FNDC1: variants seen among roughly 807,000 people sequenced by gnomAD.
The protein encoded by FNDC1 is fibronectin type III domain-containing protein 1.
Under a neutral mutation model 168.0 loss-of-function variants are expected in FNDC1, and 96 were observed. The observed-to-expected ratio is 0.57, with a 90% CI of 0.48 to 0.68. The LOEUF is 0.68. Among genes scored for constraint, FNDC1 ranks in the 30% least tolerant of loss-of-function variants. FNDC1 has a pLI of 0.00. For synonymous variants in FNDC1, 1,099 were observed against 1,025.9 expected (o/e 1.07, Z -1.36); for missense variants, 2,587 against 2,482.1 (o/e 1.04, Z -0.90).
At chr6:159,227,257 G>A (rs1782972930) in intron 9 of FNDC1, among the ~76,000 whole-genome samples, 1 of 152,216 alleles carries the variant, frequency 6.6e-6, no homozygotes, top group Non-Finnish European at 1.5e-5. Flanking sequence ...ACATTTTAAA[G>A]AGCCATGCTG....
At chr6:159,172,216 C>A (rs1781677072) in intron 1 of FNDC1, among the ~76,000 whole-genome samples, 1 of 152,178 alleles carries the variant, frequency 6.6e-6, no homozygotes, top group Admixed American at 6.5e-5. Context: ...TCAGTGGCAA[C>A]CCCAGGGGGA....
chr6:159,247,752 A>G (rs1485487745), intron 15 of FNDC1, among the ~76,000 whole-genome samples: 1 of 151,930 alleles, frequency 6.6e-6, no homozygotes, highest in Non-Finnish European at 1.5e-5. Context: ...CAAAAAAAAC[A>G]CTTTTTTTTT....
chr6:159,182,742 G>A (rs1006704954), intron 1 of FNDC1, among the ~76,000 whole-genome samples: 40 of 152,310 alleles, frequency 2.6e-4, no homozygotes, highest in African/African-American at 9.1e-4. Flanking sequence ...CATATTCAAA[G>A]ATGTTTACCT....
At chr6:159,215,389 C>T (rs534020114) in intron 5 of FNDC1, among the ~76,000 whole-genome samples, 3 of 152,304 alleles carry the variant, frequency 2.0e-5, no homozygotes, top group South Asian at 2.1e-4. Flanking sequence ...CTTCCTGATC[C>T]GACAGCACAG....
chr6:159,262,595 A>G (rs1777507886), intron 19 of FNDC1, among the ~76,000 whole-genome samples: 1 of 152,230 alleles, frequency 6.6e-6, no homozygotes, highest in South Asian at 2.1e-4. Flanking sequence ...TGAAAAAAAT[A>G]TTTAAAAAAA....
intron 14 of FNDC1, among the ~76,000 whole-genome samples, chr6:159,243,849 C>A (rs941613652): frequency 6.6e-6 from 1 of 152,012 alleles, no homozygotes; most frequent in African/African-American, 2.4e-5. Context: ...AAAAAGAACA[C>A]CAAAATCACC....
intron 14 of FNDC1, among the ~76,000 whole-genome samples, chr6:159,245,033 C>A (rs1361600125): frequency 6.6e-6 from 1 of 152,116 alleles, no homozygotes; most frequent in Non-Finnish European, 1.5e-5. Flanking sequence ...TGGTGGCAGG[C>A]AAGAGAGAGA....
chr6:159,238,375 G>A (rs1481694876), intron 12 of FNDC1, among the ~76,000 whole-genome samples, 179 bp from the exon 13 acceptor site: 2 of 152,264 alleles, frequency 1.3e-5, no homozygotes, highest in Admixed American at 1.3e-4. Flanking sequence ...GTGAGCCACC[G>A]CGCCCGGCCT....
chr6:159,226,331 T>G, intron 8 of FNDC1, 142 bp from the exon 9 acceptor site: 1 of 619,046 alleles, frequency 1.6e-6, no homozygotes, highest in South Asian at 2.1e-5. Flanking sequence ...AGAACCAGTG[T>G]GGAATTTTCT....
chr6:159,233,618 A>C lies in FNDC1; in HGVS notation c.3106A>C (p.Thr1036Pro), dbSNP rs1328370546. ...RSPSQPRLSL[T>P]QAGRPRPTSQ... ...ACCTTCCCAGCCCAGGCTCTCACTG[A>C]CCCAGGCCGGGCGGCCCCGCCCCAC... The change falls in exon 11 of 23, where the codon ACC (threonine) becomes CCC (proline). Residue 1036 changes from threonine (T) to proline (P), a missense_variant. Coordinates refer to ENST00000297267, the MANE Select transcript of FNDC1 (RefSeq NM_032532.3). The surrounding 1 kb of genome is among the most constrained non-coding windows in gnomAD (Gnocchi z 4.6). 1 of 1,569,252 alleles carries C rather than the reference A, an allele frequency of 6.4e-7. No homozygotes were observed. The highest frequency in any genetic ancestry group is 1.8e-5 in the Admixed American group (1 of 54,566).
intron 1 of FNDC1, among the ~76,000 whole-genome samples, chr6:159,183,812 G>A (rs1014875930): frequency 7.2e-5 from 11 of 152,194 alleles, no homozygotes; most frequent in Non-Finnish European, 1.5e-4. Flanking sequence ...AGTAAGCTGA[G>A]GAGCAAGAGA....
At chr6:159,224,024 C>A (rs903370968) in intron 7 of FNDC1, among the ~76,000 whole-genome samples, 1 of 152,212 alleles carries the variant, frequency 6.6e-6, no homozygotes, top group African/African-American at 2.4e-5. Flanking sequence ...TCTCACCATT[C>A]CTCCTGTGAT....
intron 1 of FNDC1, among the ~76,000 whole-genome samples, chr6:159,173,067 G>A (rs73799312): frequency 0.044 from 6,661 of 152,104 alleles, 379 homozygotes; most frequent in African/African-American, 0.13. Flanking sequence ...ACATATTTTC[G>A]TTTTAATTCC....
At position 159,247,815 on chromosome 6, in the gene FNDC1, A is replaced by G. The variant is rs183786673; in HGVS notation, c.4690+846A>G. On this transcript the variant is annotated intron_variant, in intron 15 of 22. Transcript: ENST00000297267. ...CAGCATCTGGGAGAGTCATTCAATA[A>G]GTGGTAACTAGTGGTATTATTACAC... Among the ~76,000 whole-genome samples, 7 of 152,350 alleles carry G rather than the reference A, an allele frequency of 4.6e-5. No homozygotes were observed. The East Asian group carries it at 1.3e-3, about 29-fold the overall frequency.
chr6:159,201,578 G>A (rs1393093285), intron 4 of FNDC1, among the ~76,000 whole-genome samples: 7 of 152,220 alleles, frequency 4.6e-5, no homozygotes, highest in Admixed American at 3.9e-4. Context: ...CATGCTATAA[G>A]GCAAAAGTTG....
chr6:159,248,776 T>C (rs975755160), intron 15 of FNDC1, among the ~76,000 whole-genome samples: 1 of 152,226 alleles, frequency 6.6e-6, no homozygotes, highest in Non-Finnish European at 1.5e-5. Context: ...AACCCCATTT[T>C]TCTGGTCATA....
intron 1 of FNDC1, among the ~76,000 whole-genome samples, chr6:159,187,142 C>T (rs1288980962): frequency 2.0e-5 from 3 of 152,162 alleles, no homozygotes; most frequent in Non-Finnish European, 4.4e-5. Flanking sequence ...CTGCTCACTC[C>T]ACCAGTGTCC....
chr6:159,220,412 T>G lies in FNDC1; in HGVS notation c.668-1186T>G, dbSNP rs9346781. 1.2e-3 allele frequency among the ~76,000 whole-genome samples: 187 copies of G among 152,328 alleles called. 3 individuals carry two copies. The East Asian group carries it at 0.035, about 28-fold the overall frequency. On this transcript the variant is annotated intron_variant, in intron 5 of 22. Coordinates refer to ENST00000297267, the MANE Select transcript of FNDC1 (RefSeq NM_032532.3). ...TACCTGATATTATAACTATTGGCAC[T>G]AGAAATAGGCCAGATCGCCTCATTT...
chr6:159,217,888 G>A (rs909791834), intron 5 of FNDC1, among the ~76,000 whole-genome samples: 2 of 152,194 alleles, frequency 1.3e-5, no homozygotes, highest in African/African-American at 4.8e-5. Context: ...AGAATTAGCA[G>A]CAAGACCTTG....
Sources: gnomAD v4.1 joint callset for allele counts (sites outside exome capture counted in the v4.1 genomes callset) on GRCh38, gnomAD v4.1.1 for gene constraint, Gnocchi (gnomAD v3.1) non-coding constraint, MANE v1.5 for transcripts, NCBI Gene and HGNC (gene_info 2026-07-23, HGNC 2026-07-21) for gene names.